CRHR1: variants seen among roughly 807,000 people sequenced by gnomAD.
The protein encoded by CRHR1 is corticotropin releasing hormone receptor 1, also known as corticotropin-releasing hormone receptor 1.
In CRHR1, 28 loss-of-function variants were observed where a neutral mutation model predicts 56.0. That is an observed-to-expected ratio of 0.50 (90% CI 0.37 to 0.69). CRHR1 has a LOEUF of 0.69. Ranked by LOEUF, CRHR1 falls within the 30% of genes least tolerant of loss-of-function variation. The pLI, the probability that CRHR1 is intolerant of heterozygous loss-of-function variation, is 0.00. For synonymous variants in CRHR1, 195 were observed against 216.5 expected (o/e 0.90, Z 0.87); for missense variants, 376 against 548.0 (o/e 0.69, Z 3.13).
chr17:45,832,049 C>T (rs531367161), intron 8 of CRHR1, among the ~76,000 whole-genome samples: 1 of 143,096 alleles, frequency 7.0e-6, no homozygotes, highest in East Asian at 1.9e-4. Context: ...GGTGAAACCC[C>T]GTATCTACTA....
At chr17:45,825,071 C>G (rs1041582610) in intron 4 of CRHR1, among the ~76,000 whole-genome samples, 1 of 152,234 alleles carries the variant, frequency 6.6e-6, no homozygotes, top group Non-Finnish European at 1.5e-5. Context: ...AGACCCCTCC[C>G]AGAACTGCAG....
chr17:45,784,640 G>T lies in CRHR1; in HGVS notation c.33+63G>T, dbSNP rs545912710. On this transcript the variant is annotated intron_variant, in intron 1 of 12. Transcript: ENST00000314537. The surrounding 1 kb of genome is among the most constrained non-coding windows in gnomAD (Gnocchi z 4.2). ...CCCGGCCCCTGGCGGACGCGGGACG[G>T]GGCTGGGCTGTGGGTGTGATGGGGG... 5 of 1,485,652 alleles carry T rather than the reference G, an allele frequency of 3.4e-6. No individual in the cohort carries two copies. The African/African-American group carries it at 7.2e-5, about 21-fold the overall frequency. The allele number at this position is 1,485,652 out of a possible 1,614,324, so 92.0% of individuals were successfully genotyped here.
intron 2 of CRHR1, among the ~76,000 whole-genome samples, chr17:45,815,535 G>A (rs2143049071): frequency 6.6e-6 from 1 of 152,298 alleles, no homozygotes; most frequent in Non-Finnish European, 1.5e-5. Context: ...AGAATCTAAT[G>A]AAAGCCGTGG....
Position 45,788,880 on chromosome 17 carries a change from G to A in CRHR1, c.33+4303G>A, listed in dbSNP as rs565255145. Among the ~76,000 whole-genome samples, 16 of 152,304 alleles carry A rather than the reference G, an allele frequency of 1.1e-4. No individual in the cohort carries two copies. The East Asian group carries it at 1.9e-3, about 18-fold the overall frequency. Reference sequence around the variant, plus strand: ...GGTATTGTACAATTGGAAAGAACCCGTTTCTGTTCCCACCAGATGCAGATG... The same window carrying A: ...GGTATTGTACAATTGGAAAGAACCCATTTCTGTTCCCACCAGATGCAGATG... On this transcript the variant is annotated intron_variant, in intron 1 of 12. Transcript: ENST00000314537.
chr17:45,810,458 A>G (rs1465775015), intron 2 of CRHR1, among the ~76,000 whole-genome samples: 2 of 151,840 alleles, frequency 1.3e-5, no homozygotes. Context: ...CGAGTTGCCC[A>G]AACACACTAA....
intron 9 of CRHR1, 49 bp downstream of exon 9, chr17:45,833,259 A>G: frequency 6.9e-6 from 11 of 1,588,000 alleles, no homozygotes; most frequent in Non-Finnish European, 9.5e-6. Flanking sequence ...GGGAGGGGCA[A>G]TCAGTGCCAA....
At chr17:45,814,155 T>A (rs1370197012) in intron 2 of CRHR1, among the ~76,000 whole-genome samples, 1 of 152,218 alleles carries the variant, frequency 6.6e-6, no homozygotes, top group African/African-American at 2.4e-5. Context: ...CGTGTGTTCA[T>A]TCCAGACGCT....
At chr17:45,825,306 G>A (rs534161188) in intron 4 of CRHR1, among the ~76,000 whole-genome samples, 12 of 152,232 alleles carry the variant, frequency 7.9e-5, no homozygotes, top group East Asian at 1.9e-4. Context: ...ATGGCTGGCC[G>A]GGGGATGGCA....
intron 1 of CRHR1, among the ~76,000 whole-genome samples, chr17:45,799,216 T>G (rs888138563): frequency 1.1e-4 from 17 of 152,228 alleles, no homozygotes; most frequent in African/African-American, 4.1e-4. Flanking sequence ...TATCCCCCAC[T>G]GACCCCTCCA....
intron 1 of CRHR1, among the ~76,000 whole-genome samples, chr17:45,798,835 CAGG>C (rs1465358465): frequency 6.6e-6 from 1 of 152,210 alleles, no homozygotes; most frequent in East Asian, 1.9e-4. Context: ...TAACTGTAGG[CAGG>C]AGATTTTCCT....
intron 4 of CRHR1, among the ~76,000 whole-genome samples, chr17:45,827,444 A>G (rs2062189530): frequency 6.6e-6 from 1 of 152,238 alleles, no homozygotes; most frequent in Non-Finnish European, 1.5e-5. Flanking sequence ...AGGATATTAA[A>G]TACCAGCTCC....
chr17:45,815,898 G>A (rs1027918637), intron 2 of CRHR1, among the ~76,000 whole-genome samples: 4 of 152,198 alleles, frequency 2.6e-5, no homozygotes, highest in South Asian at 2.1e-4. Flanking sequence ...TACACGTGAC[G>A]TATGGTCAGT....
At position 45,824,964 on chromosome 17, in the gene CRHR1, T is replaced by C. The variant is rs560361225; in HGVS notation, c.327+3524T>C. ...GTGCCTGGCTCTGCCATCTCTTTCC[T>C]CTGCAGCCCCTGCTGGCCTGGTGCC... On this transcript the variant is annotated intron_variant, in intron 4 of 12. Transcript: ENST00000314537. Among the ~76,000 whole-genome samples the C allele has an allele frequency of 5.9e-5, 9 of 151,788 alleles. No homozygotes were observed. In the South Asian group the frequency reaches 1.9e-3, roughly 32 times the overall value.
intron 1 of CRHR1, among the ~76,000 whole-genome samples, chr17:45,806,052 C>T (rs928125253): frequency 3.9e-5 from 6 of 152,194 alleles, no homozygotes; most frequent in Non-Finnish European, 8.8e-5. Flanking sequence ...CCCATTTTTA[C>T]AGGTGAGGAC....
intron 2 of CRHR1, among the ~76,000 whole-genome samples, chr17:45,810,437 GA>G (rs1439518282): frequency 6.6e-6 from 1 of 152,204 alleles, no homozygotes; most frequent in Non-Finnish European, 1.5e-5. Flanking sequence ...CTAAGGCTCA[GA>G]GAAGTTAAAC....
chr17:45,814,719 G>A (rs187581665), intron 2 of CRHR1, among the ~76,000 whole-genome samples: 239 of 152,152 alleles, frequency 1.6e-3, no homozygotes, highest in Non-Finnish European at 2.6e-3. Flanking sequence ...CCGTTGCCTC[G>A]GATGGCCCTG....
intron 8 of CRHR1, among the ~76,000 whole-genome samples, chr17:45,832,225 C>A (rs1018072261): frequency 2.6e-5 from 4 of 152,244 alleles, no homozygotes; most frequent in African/African-American, 9.6e-5. Flanking sequence ...GAGTGAGACT[C>A]CATGAGTCTC....
At position 45,806,905 on chromosome 17, in the gene CRHR1, G is replaced by A. The variant is rs28365155; in HGVS notation, c.34-105G>A. 1.8e-3 allele frequency: 1,623 copies of A among 886,844 alleles called. 30 individuals are homozygous for A. In the African/African-American group the frequency reaches 0.024, roughly 13 times the overall value. 54.9% of individuals were successfully genotyped at this position (886,844 alleles called of 1,614,324 possible). On this transcript the variant is annotated intron_variant, in intron 1 of 12. Transcript: ENST00000314537. ...GATGTGTGACAGGGTGGGAGGGGAG[G>A]CAGGCAGGTGCAGTGTCACCCCTGC...
chr17:45,822,640 C>T (rs553563056), intron 4 of CRHR1, among the ~76,000 whole-genome samples: 1 of 152,320 alleles, frequency 6.6e-6, no homozygotes, highest in South Asian at 2.1e-4. Flanking sequence ...CTCCTGAGGT[C>T]AGGAGTTCAA....
Sources: gnomAD v4.1 joint callset for allele counts (sites outside exome capture counted in the v4.1 genomes callset) on GRCh38, gnomAD v4.1.1 for gene constraint, Gnocchi (gnomAD v3.1) non-coding constraint, MANE v1.5 for transcripts, NCBI Gene and HGNC (gene_info 2026-07-23, HGNC 2026-07-21) for gene names.